Variants in COL25A1 observed in about 807,000 individuals in gnomAD.
COL25A1 encodes the protein collagen alpha-1(XXV) chain.
In COL25A1, 103 loss-of-function variants were observed where a neutral mutation model predicts 128.4. That is an observed-to-expected ratio of 0.80 (90% CI 0.68 to 0.94). The LOEUF (loss-of-function observed/expected upper bound fraction) is 0.94, where lower values mean the gene tolerates loss of function less well. COL25A1 is among the 40% of genes least tolerant of loss of function. The pLI is 0.00. For synonymous variants in COL25A1, 279 were observed against 277.2 expected (o/e 1.01, Z -0.06); for missense variants, 745 against 840.0 (o/e 0.89, Z 1.40).
intron 14 of COL25A1, 97 bp downstream of exon 14, chr4:108,901,022 A>C (rs1162608440): frequency 1.1e-6 from 1 of 921,276 alleles, no homozygotes; most frequent in Non-Finnish European, 1.8e-6. Flanking sequence ...ATGTAAGTGC[A>C]ACTGGTGAGA....
chr4:109,261,931 T>C (rs1280167654), intron 3 of COL25A1, among the ~76,000 whole-genome samples: 3 of 151,736 alleles, frequency 2.0e-5, no homozygotes, highest in African/African-American at 7.3e-5. Context: ...TCTCCTGACC[T>C]CGTGATCTGC....
chr4:109,047,665 C>T (rs1760562071), intron 5 of COL25A1, among the ~76,000 whole-genome samples: 1 of 150,890 alleles, frequency 6.6e-6, no homozygotes, highest in African/African-American at 2.4e-5. Context: ...ATATTGCATT[C>T]TAACATCACA....
chr4:108,901,080 G>A lies in COL25A1; in HGVS notation c.834+39C>T, dbSNP rs73840735. On this transcript the variant is annotated intron_variant, in intron 14 of 37. Coordinates refer to ENST00000399132, the MANE Select transcript of COL25A1 (RefSeq NM_198721.4). ...ATAGCTTACAATTTCCTGACAATTCGTGTGTCAAATGATTCTGCTTGGCTT... is the reference window on the plus strand; with the variant it reads ...ATAGCTTACAATTTCCTGACAATTCATGTGTCAAATGATTCTGCTTGGCTT... 9,455 of 1,460,994 alleles carry A rather than the reference G, an allele frequency of 6.5e-3. 496 individuals are homozygous for A. The African/African-American group carries it at 0.11, about 17-fold the overall frequency. 90.5% of individuals were successfully genotyped at this position (1,460,994 alleles called of 1,614,324 possible).
intron 3 of COL25A1, among the ~76,000 whole-genome samples, chr4:109,075,968 T>C (rs1171165167): frequency 6.6e-6 from 1 of 152,192 alleles, no homozygotes; most frequent in Admixed American, 6.5e-5. Context: ...ATTGCATCTG[T>C]AGTGAACATG....
intron 24 of COL25A1, among the ~76,000 whole-genome samples, chr4:108,857,772 A>T (rs1736697877): frequency 6.6e-6 from 1 of 152,190 alleles, no homozygotes; most frequent in Non-Finnish European, 1.5e-5. Flanking sequence ...GTACATACGA[A>T]TGAAGTATAC....
intron 3 of COL25A1, among the ~76,000 whole-genome samples, chr4:109,237,249 G>T (rs920275709): frequency 6.6e-6 from 1 of 152,016 alleles, no homozygotes; most frequent in Non-Finnish European, 1.5e-5. Context: ...TGATCTTCAC[G>T]TTACAAAAAA....
chr4:108,913,619 G>T (rs950114967), intron 13 of COL25A1, among the ~76,000 whole-genome samples: 3 of 152,032 alleles, frequency 2.0e-5, no homozygotes, highest in Admixed American at 2.0e-4. Context: ...CAAATAAATT[G>T]TCATAGTGAT....
At chr4:108,859,302 A>G (rs953681914) in intron 24 of COL25A1, among the ~76,000 whole-genome samples, 1 of 152,166 alleles carries the variant, frequency 6.6e-6, no homozygotes, top group Non-Finnish European at 1.5e-5. Context: ...TGAGATTTGA[A>G]TGCAAGCAGC....
intron 3 of COL25A1, among the ~76,000 whole-genome samples, chr4:109,086,168 T>A (rs779597591): frequency 4.7e-4 from 71 of 152,208 alleles, no homozygotes; most frequent in Non-Finnish European, 9.6e-4. Flanking sequence ...AAAATGAGTG[T>A]CACCTATCAG....
chr4:109,107,765 A>G (rs559442275), intron 3 of COL25A1, among the ~76,000 whole-genome samples: 142 of 152,318 alleles, frequency 9.3e-4, no homozygotes, highest in South Asian at 3.1e-3. Flanking sequence ...CTTTACACAA[A>G]AGAGGACCAC....
rs775146237 is a variant in COL25A1, at chr4:108,933,634, T to C, written c.708+4174A>G. Among the ~76,000 whole-genome samples the C allele has an allele frequency of 5.3e-5, 8 of 152,202 alleles. No individual in the cohort carries two copies. In the East Asian group the frequency reaches 9.6e-4, roughly 18 times the overall value. ...TTATATCACTAGACATTTGTTTTAA[T>C]AGTAGTACTTCTCAATTATGGAACC... is the stretch of plus-strand genomic sequence containing the variant. On this transcript the variant is annotated intron_variant, in intron 11 of 37. Transcript: ENST00000399132.
intron 3 of COL25A1, among the ~76,000 whole-genome samples, chr4:109,240,839 T>C (rs1779852230): frequency 1.3e-5 from 2 of 152,118 alleles, no homozygotes; most frequent in South Asian, 2.1e-4. Flanking sequence ...TCCAGGAGTC[T>C]GGGAGTTCAT....
intron 3 of COL25A1, among the ~76,000 whole-genome samples, chr4:109,147,200 T>G (rs1056450420): frequency 6.6e-6 from 1 of 152,208 alleles, no homozygotes; most frequent in Non-Finnish European, 1.5e-5. Context: ...TTAACACAAT[T>G]TAAATGCAGG....
At chr4:109,107,571 G>T (rs1352848866) in intron 3 of COL25A1, among the ~76,000 whole-genome samples, 2 of 152,134 alleles carry the variant, frequency 1.3e-5, no homozygotes, top group Non-Finnish European at 2.9e-5. Context: ...TGCTGGAGGT[G>T]AGGAGAAGAA....
Position 108,962,256 on chromosome 4 carries a change from C to T in COL25A1, c.492+12111G>A, listed in dbSNP as rs1249115353. Among the ~76,000 whole-genome samples, 6 of 150,980 alleles carry T rather than the reference C, an allele frequency of 4.0e-5. No individual in the cohort carries two copies. In the South Asian group the frequency reaches 6.3e-4, roughly 16 times the overall value. ...AGGATGGAGTGCAGTGGCAGGATCT[C>T]GACTCACTGCAACCTCCACCTCCCG... On this transcript the variant is annotated intron_variant, in intron 8 of 37. Transcript: ENST00000399132.
chr4:109,276,445 C>T (rs545042780), intron 3 of COL25A1, among the ~76,000 whole-genome samples: 112 of 151,266 alleles, frequency 7.4e-4, no homozygotes, highest in African/African-American at 2.6e-3. Flanking sequence ...TTATTTTTTA[C>T]ACATCTAACA....
chr4:109,275,374 G>A (rs1262139649), intron 3 of COL25A1, among the ~76,000 whole-genome samples: 4 of 152,032 alleles, frequency 2.6e-5, no homozygotes, highest in Admixed American at 6.6e-5. Context: ...TGACGGCTAT[G>A]TGACATAAAA....
chr4:108,961,006 C>A (rs1008666905), intron 8 of COL25A1, among the ~76,000 whole-genome samples: 22 of 152,252 alleles, frequency 1.4e-4, no homozygotes, highest in African/African-American at 5.3e-4. Context: ...TAGAAAAATA[C>A]TTTTTAAAAA....
intron 28 of COL25A1, 70 bp downstream of exon 28, chr4:108,846,069 C>T: frequency 9.8e-7 from 1 of 1,017,664 alleles, no homozygotes; most frequent in Non-Finnish European, 1.5e-6. Context: ...TAACTCTTTT[C>T]TGATTGTTTA....
Sources: gnomAD v4.1 joint callset for allele counts (sites outside exome capture counted in the v4.1 genomes callset) on GRCh38, gnomAD v4.1.1 for gene constraint, MANE v1.5 for transcripts, NCBI Gene and HGNC (gene_info 2026-07-23, HGNC 2026-07-21) for gene names.